DGKB: variants seen among roughly 807,000 people sequenced by gnomAD.
DGKB encodes the protein diacylglycerol kinase beta.
DGKB carries 67 observed loss-of-function variants against 114.3 expected under a neutral mutation model. That is an observed-to-expected ratio of 0.59 (90% CI 0.48 to 0.72). DGKB has a LOEUF of 0.72. Among genes scored for constraint, DGKB ranks in the 30% least tolerant of loss-of-function variants. DGKB has a pLI of 0.00. For synonymous variants in DGKB, 398 were observed against 323.1 expected (o/e 1.23, Z -2.49); for missense variants, 907 against 975.2 (o/e 0.93, Z 0.93).
intron 20 of DGKB, among the ~76,000 whole-genome samples, chr7:14,489,278 T>A (rs1424819765): frequency 6.6e-6 from 1 of 152,224 alleles, no homozygotes; most frequent in Non-Finnish European, 1.5e-5. Flanking sequence ...CTATAATCAT[T>A]TGATTGAGAT....
At chr7:14,475,367 C>A (rs1205750345) in intron 21 of DGKB, among the ~76,000 whole-genome samples, 1 of 152,104 alleles carries the variant, frequency 6.6e-6, no homozygotes, top group East Asian at 1.9e-4. Flanking sequence ...CACAGAAATT[C>A]ATCAGAAAAT....
At chr7:14,469,775 A>G (rs918255946) in intron 21 of DGKB, among the ~76,000 whole-genome samples, 5 of 152,052 alleles carry the variant, frequency 3.3e-5, no homozygotes, top group Non-Finnish European at 5.9e-5. Context: ...ATAGTAAATT[A>G]TTTTAAAAGC....
At chr7:14,326,413 T>G (rs567598550) in intron 23 of DGKB, among the ~76,000 whole-genome samples, 2 of 152,244 alleles carry the variant, frequency 1.3e-5, no homozygotes, top group East Asian at 3.9e-4. Flanking sequence ...CCACCCAAGC[T>G]ACTGTGTTCT....
rs146551544 is a variant in DGKB at position 14,586,474 on chromosome 7, G to C, written c.1434-3337C>G. On this transcript the variant is annotated intron_variant, in intron 17 of 25. Transcript: ENST00000402815. The stretch of plus-strand genomic sequence containing the variant: ...AACAGCAAGTGCTGAGGAAGAAGTG[G>C]CAGCAAATTATCCAGAAGATCTAGC... Among the ~76,000 whole-genome samples, 1,121 of 152,232 alleles carry C rather than the reference G, an allele frequency of 7.4e-3. 9 individuals carry two copies. The highest frequency in any genetic ancestry group is 0.012 in the Non-Finnish European group (796 of 68,018).
At chr7:14,258,254 T>A (rs38284) in intron 23 of DGKB, among the ~76,000 whole-genome samples, 82,326 of 152,100 alleles carry the variant, frequency 0.54, 24,439 homozygotes, top group East Asian at 0.99. Flanking sequence ...TTTTAAAGGA[T>A]TACCAGAATA....
intron 23 of DGKB, among the ~76,000 whole-genome samples, chr7:14,333,450 G>A (rs1810088790): frequency 7.5e-6 from 1 of 133,336 alleles, no homozygotes; most frequent in Admixed American, 7.9e-5. Flanking sequence ...AACAGAGTGA[G>A]ACTCCGTCTT....
intron 13 of DGKB, among the ~76,000 whole-genome samples, chr7:14,647,538 T>A (rs562947637): frequency 3.3e-5 from 5 of 152,212 alleles, no homozygotes; most frequent in South Asian, 4.1e-4. Flanking sequence ...AACAACAAAC[T>A]ACAGGCCAAT....
At position 14,899,602 on chromosome 7, in the gene DGKB, T is replaced by G. The variant is rs532517374; in HGVS notation, c.-188+2990A>C. ...TCTTCCAACTTTTCTCCTCTCATATTAACTGCATTATCTTCCATTTCCTTC... is the reference window on the plus strand; with the variant it reads ...TCTTCCAACTTTTCTCCTCTCATATGAACTGCATTATCTTCCATTTCCTTC... On this transcript the variant is annotated intron_variant, in intron 1 of 25. Transcript: ENST00000402815. Among the ~76,000 whole-genome samples, 4 of 152,278 alleles carry G rather than the reference T, an allele frequency of 2.6e-5. No individual in the cohort carries two copies. In the South Asian group the frequency reaches 8.3e-4, roughly 32 times the overall value.
chr7:14,337,402 C>T (rs1810872283), intron 23 of DGKB, among the ~76,000 whole-genome samples: 1 of 152,030 alleles, frequency 6.6e-6, no homozygotes, highest in South Asian at 2.1e-4. Context: ...ATTACTTACA[C>T]ATTTTAAGGG....
chr7:14,532,554 A>G (rs1791769880), intron 20 of DGKB, among the ~76,000 whole-genome samples: 1 of 151,536 alleles, frequency 6.6e-6, no homozygotes, highest in South Asian at 2.1e-4. Context: ...GTTATGTTTC[A>G]TATTGATAAA....
intron 17 of DGKB, among the ~76,000 whole-genome samples, chr7:14,602,898 T>C (rs10236011): frequency 0.65 from 99,044 of 152,024 alleles, 32,759 homozygotes; most frequent in Admixed American, 0.73. Context: ...TGATAGGCAA[T>C]AATCTTTAAA....
intron 21 of DGKB, among the ~76,000 whole-genome samples, chr7:14,419,689 G>C (rs1331533918): frequency 1.3e-5 from 2 of 151,312 alleles, no homozygotes; most frequent in African/African-American, 4.8e-5. Context: ...GAAATCATGA[G>C]CAGGAAACAG....
At position 14,891,865 on chromosome 7, in the gene DGKB, A is replaced by G. The variant is rs138965891; in HGVS notation, c.-188+10727T>C. ...TAAAACATGGACATTTAGAAGAATT[A>G]CCAGGGTCAGACTGAGATGAGAGAT... On this transcript the variant is annotated intron_variant, in intron 1 of 25. Transcript: ENST00000402815. Among the ~76,000 whole-genome samples the G allele has an allele frequency of 6.1e-4, 92 of 151,424 alleles. 1 individual carries two copies. The East Asian group carries it at 0.017, about 28-fold the overall frequency.
intron 2 of DGKB, among the ~76,000 whole-genome samples, chr7:14,778,272 T>C (rs908877206): frequency 6.6e-6 from 1 of 152,204 alleles, no homozygotes; most frequent in African/African-American, 2.4e-5. Context: ...GATTGAGCAA[T>C]CTCAAGGCTT....
intron 21 of DGKB, among the ~76,000 whole-genome samples, chr7:14,448,846 G>A (rs377196047): frequency 1.8e-4 from 27 of 152,142 alleles, no homozygotes; most frequent in African/African-American, 6.5e-4. Flanking sequence ...TCAAAGTGAG[G>A]GAACCGAGTC....
intron 23 of DGKB, among the ~76,000 whole-genome samples, chr7:14,327,444 A>G (rs1209320516): frequency 2.0e-4 from 30 of 152,144 alleles, no homozygotes; most frequent in Admixed American, 2.0e-3. Context: ...CAAATAATTG[A>G]AAATAATATC....
At chr7:14,178,775 T>G (rs1027693586) in intron 23 of DGKB, among the ~76,000 whole-genome samples, 1 of 152,188 alleles carries the variant, frequency 6.6e-6, no homozygotes, top group Non-Finnish European at 1.5e-5. Context: ...TGTTTGGTAG[T>G]ATACTAGATA....
chr7:14,665,542 G>A (rs1817884311), intron 13 of DGKB, among the ~76,000 whole-genome samples: 1 of 151,880 alleles, frequency 6.6e-6, no homozygotes, highest in Non-Finnish European at 1.5e-5. Flanking sequence ...AAGGAATATT[G>A]TTTCTAAATT....
At chr7:14,520,935 C>T (rs1288966699) in intron 20 of DGKB, among the ~76,000 whole-genome samples, 1 of 151,986 alleles carries the variant, frequency 6.6e-6, no homozygotes, top group Admixed American at 6.6e-5. Context: ...TATGTTCATC[C>T]AATTTCATCA....
Sources: gnomAD v4.1 joint callset for allele counts (sites outside exome capture counted in the v4.1 genomes callset) on GRCh38, gnomAD v4.1.1 for gene constraint, MANE v1.5 for transcripts, NCBI Gene and HGNC (gene_info 2026-07-23, HGNC 2026-07-21) for gene names.